PCDH15: variants seen among roughly 807,000 people sequenced by gnomAD.
PCDH15 encodes protocadherin-15.
A neutral mutation model predicts 178.5 loss-of-function variants in PCDH15; 129 were observed. That is an observed-to-expected ratio of 0.72 (90% CI 0.63 to 0.84). PCDH15 has a LOEUF of 0.84. PCDH15 is among the 40% of genes least tolerant of loss of function. The pLI is 0.00. For missense variants in PCDH15, 2,230 were observed against 2,099.9 expected (o/e 1.06, Z -1.21); for synonymous variants, 800 against 732.0 (o/e 1.09, Z -1.50).
intron 3 of PCDH15, among the ~76,000 whole-genome samples, chr10:54,475,327 C>T (rs1201713149): frequency 6.6e-6 from 1 of 151,882 alleles, no homozygotes; most frequent in Non-Finnish European, 1.5e-5. Flanking sequence ...AAGAACATGA[C>T]CAGCCATCTT....
At chr10:53,933,385 C>T (rs2085264902) in intron 25 of PCDH15, among the ~76,000 whole-genome samples, 1 of 149,128 alleles carries the variant, frequency 6.7e-6, no homozygotes, top group Non-Finnish European at 1.5e-5. Context: ...CATGTGTTCT[C>T]ATTGTTCAAT....
At chr10:54,730,707 T>C (rs369818640) in intron 1 of PCDH15, among the ~76,000 whole-genome samples, 160 of 151,492 alleles carry the variant, frequency 1.1e-3, no homozygotes, top group Admixed American at 2.0e-3. Context: ...GATAACCATA[T>C]GTAAAAGAAT....
intron 2 of PCDH15, among the ~76,000 whole-genome samples, chr10:55,331,709 A>G (rs1016184374): frequency 2.6e-5 from 4 of 152,098 alleles, no homozygotes; most frequent in African/African-American, 9.7e-5. Context: ...TCTGCTACTC[A>G]CAAATGGTCT....
rs375899148 is a variant in PCDH15 at position 54,718,474 on chromosome 10, T to G, written c.-28-54184A>C. On this transcript the variant is annotated intron_variant, in intron 1 of 37. Transcript: ENST00000644397. ...GTAACCAAAGAACTTATACAGACTC[T>G]TTAGCCCTGAAAGCACCCAGAACCA... is the stretch of plus-strand genomic sequence containing the variant. Among the ~76,000 whole-genome samples, 34 of 152,026 alleles carry G rather than the reference T, an allele frequency of 2.2e-4. No individual in the cohort carries two copies. In the East Asian group the frequency reaches 5.5e-3, roughly 24 times the overall value.
intron 8 of PCDH15, among the ~76,000 whole-genome samples, chr10:54,239,951 T>C (rs935801452): frequency 6.6e-6 from 1 of 152,104 alleles, no homozygotes; most frequent in African/African-American, 2.4e-5. Flanking sequence ...ATACATGACA[T>C]TAAAGAATAC....
chr10:54,891,248 G>A (rs1351870941), intron 3 of PCDH15, among the ~76,000 whole-genome samples: 1 of 152,074 alleles, frequency 6.6e-6, no homozygotes, highest in Non-Finnish European at 1.5e-5. Context: ...TATCTTTAGA[G>A]GAAATGCTGA....
chr10:54,597,230 G>A (rs7907132), intron 2 of PCDH15, among the ~76,000 whole-genome samples: 3,643 of 151,942 alleles, frequency 0.024, 138 homozygotes, highest in African/African-American at 0.084. Flanking sequence ...CAAAAGAAAC[G>A]AGATCATACC....
intron 3 of PCDH15, among the ~76,000 whole-genome samples, chr10:54,854,327 C>T (rs1444677610): frequency 6.6e-6 from 1 of 152,146 alleles, no homozygotes; most frequent in African/African-American, 2.4e-5. Context: ...TTCTCTTCAC[C>T]CACAATATGG....
At chr10:54,396,895 G>A (rs1235493306) in intron 3 of PCDH15, among the ~76,000 whole-genome samples, 2 of 146,764 alleles carry the variant, frequency 1.4e-5, no homozygotes, top group Admixed American at 1.3e-4. Flanking sequence ...TATTCCGACA[G>A]TGGAAAATGT....
chr10:54,365,328 C>T (rs1375677555), intron 5 of PCDH15, among the ~76,000 whole-genome samples: 1 of 152,006 alleles, frequency 6.6e-6, no homozygotes, highest in Non-Finnish European at 1.5e-5. Context: ...TACCACAGTG[C>T]TCATAATATA....
At chr10:54,558,330 GA>G (rs781665967) in intron 2 of PCDH15, among the ~76,000 whole-genome samples, 1 of 152,044 alleles carries the variant, frequency 6.6e-6, no homozygotes, top group Non-Finnish European at 1.5e-5. Context: ...AATTTCCACA[GA>G]TCAATTTATT....
At chr10:55,116,669 A>G (rs535499459) in intron 2 of PCDH15, among the ~76,000 whole-genome samples, 18 of 152,168 alleles carry the variant, frequency 1.2e-4, no homozygotes, top group Admixed American at 2.0e-4. Context: ...AGCTTCCACA[A>G]TAGAATCATG....
chr10:53,807,002 G>T lies in PCDH15; in HGVS notation c.4800C>A (p.Asn1600Lys). The T allele has an allele frequency of 6.2e-7, 1 of 1,613,638 alleles. No individual in the cohort carries two copies. The highest frequency in any genetic ancestry group is 1.1e-5 in the South Asian group (1 of 91,078). The change falls in exon 38 of 38, where the codon AAC (asparagine) becomes AAA (lysine). Residue 1600 changes from asparagine to lysine, a missense_variant. Coordinates refer to ENST00000644397, the MANE Select transcript of PCDH15 (RefSeq NM_001384140.1). ...CATTCTGTGCAATATATATATTGCC[G>T]TTGATATTACTGTGGATACTAGGAT... ...LHHPSIHSNI[N>K]GNIYIAQNGS...
intron 20 of PCDH15, among the ~76,000 whole-genome samples, chr10:54,003,851 T>C (rs1005077681): frequency 2.0e-5 from 3 of 149,248 alleles, no homozygotes; most frequent in Admixed American, 6.7e-5. Flanking sequence ...AAAGAAACTA[T>C]AGGCAATCTC....
At chr10:54,843,738 A>G (rs768704543) in intron 3 of PCDH15, among the ~76,000 whole-genome samples, 2 of 152,034 alleles carry the variant, frequency 1.3e-5, no homozygotes, top group Non-Finnish European at 1.5e-5. Context: ...CAATAAACGT[A>G]GTAAATAAAG....
chr10:55,504,922 A>G (rs1236201603), intron 2 of PCDH15, among the ~76,000 whole-genome samples: 1 of 151,454 alleles, frequency 6.6e-6, no homozygotes, highest in Non-Finnish European at 1.5e-5. Context: ...TTAGTGCTTT[A>G]GTTCTTAAAT....
intron 2 of PCDH15, among the ~76,000 whole-genome samples, chr10:54,616,063 A>C (rs926081300): frequency 6.6e-6 from 1 of 152,082 alleles, no homozygotes; most frequent in Non-Finnish European, 1.5e-5. Flanking sequence ...AGTAGAAATA[A>C]ATTTTGATAT....
intron 2 of PCDH15, among the ~76,000 whole-genome samples, chr10:55,043,095 A>G (rs1188862583): frequency 1.3e-5 from 2 of 152,086 alleles, no homozygotes; most frequent in African/African-American, 4.8e-5. Context: ...CTCCTAAGGA[A>G]TGTTTTTAGA....
At chr10:54,241,359 G>C (rs996321) in intron 8 of PCDH15, among the ~76,000 whole-genome samples, 90,835 of 151,712 alleles carry the variant, frequency 0.6, 29,071 homozygotes, top group Middle Eastern at 0.72. Flanking sequence ...AAATATGCTT[G>C]GGTATCCTTT....
Sources: gnomAD v4.1 joint callset for allele counts (sites outside exome capture counted in the v4.1 genomes callset) on GRCh38, gnomAD v4.1.1 for gene constraint, MANE v1.5 for transcripts, NCBI Gene and HGNC (gene_info 2026-07-23, HGNC 2026-07-21) for gene names.